The following RUFY3 variants were observed in gnomAD, a reference collection of about 807,000 sequenced individuals.
The protein encoded by RUFY3 is RUN and FYVE domain containing 3.
In RUFY3, 34 loss-of-function variants were observed where a neutral mutation model predicts 84.0. That is an observed-to-expected ratio of 0.40 (90% CI 0.31 to 0.54). The LOEUF is 0.54. Ranked by LOEUF, RUFY3 falls within the 20% of genes least tolerant of loss-of-function variation. The pLI is 0.39. For missense variants in RUFY3, 507 were observed against 736.8 expected, an observed-to-expected ratio of 0.69 and a Z score of 3.61; for synonymous variants, 242 against 252.9, an observed-to-expected ratio of 0.96 and a Z score of 0.41.
chr4:70,773,316 CAT>C (rs1727301296), intron 5 of RUFY3, among the ~76,000 whole-genome samples, 193 bp from the exon 6 acceptor site: 1 of 152,158 alleles, frequency 6.6e-6, no homozygotes, highest in Non-Finnish European at 1.5e-5. Flanking sequence ...GTCTTATTGA[CAT>C]AATCTTGATT....
Position 70,784,525 on chromosome 4 carries a change from A to G in RUFY3, c.988-271A>G, listed in dbSNP as rs983433576. ...AACCTATAACCCAACTCATATTTTG[A>G]AATGAATGCTATGTTATTTTTAGAG... is the stretch of plus-strand genomic sequence containing the variant. On this transcript the variant is annotated intron_variant, in intron 9 of 17. Transcript: ENST00000381006. Among the ~76,000 whole-genome samples, 3 of 152,110 alleles carry G rather than the reference A, an allele frequency of 2.0e-5. No individual in the cohort carries two copies. In the East Asian group the frequency reaches 5.8e-4, roughly 29 times the overall value.
In RUFY3 at chr4:70,791,496, G is replaced by GA. The variant is rs1730814326; in HGVS notation, c.1337+1909dup. On this transcript the variant is annotated intron_variant, in intron 12 of 17. Transcript: ENST00000381006. ...TCTTATTGTTTTCTCCCCAGGGTTA[G>GA]AAAAATTGGTATAAGTTCCTAATTA... 3.6e-6 allele frequency: 5 copies of GA among 1,373,780 alleles called. No individual in the cohort carries two copies. The South Asian group carries it at 7.7e-5, about 21-fold the overall frequency. 85.1% of individuals were successfully genotyped at this position (1,373,780 alleles called of 1,614,324 possible). A position where few individuals can be genotyped will look rare whatever the true frequency, so the allele number is the denominator to read the frequency against.
intron 8 of RUFY3, 30 bp from the exon 9 acceptor site, chr4:70,783,060 TA>T (rs748074383): frequency 4.6e-6 from 6 of 1,313,174 alleles, no homozygotes; most frequent in Admixed American, 1.9e-5. Context: ...TTTAAAAAGA[TA>T]AAAGATTATT....
chr4:70,726,377 T>G (rs1718244015), intron 1 of RUFY3, among the ~76,000 whole-genome samples: 1 of 152,196 alleles, frequency 6.6e-6, no homozygotes, highest in Admixed American at 6.5e-5. Flanking sequence ...TTTTTTCTTT[T>G]TTTTGAGACA....
At chr4:70,752,012 C>T (rs757843895) in intron 1 of RUFY3, among the ~76,000 whole-genome samples, 11 of 152,104 alleles carry the variant, frequency 7.2e-5, no homozygotes, top group African/African-American at 2.4e-4. Flanking sequence ...AACTCCTGAC[C>T]TCAAGTGATC....
At chr4:70,759,364 G>A (rs892123115) in intron 1 of RUFY3, among the ~76,000 whole-genome samples, 1 of 76,518 alleles carries the variant, frequency 1.3e-5, no homozygotes, top group Non-Finnish European at 2.7e-5. Flanking sequence ...ATTTGTGTGT[G>A]TGTGTGTATG....
intron 17 of RUFY3, among the ~76,000 whole-genome samples, chr4:70,805,241 A>T (rs969815260): frequency 1.3e-5 from 2 of 152,236 alleles, no homozygotes; most frequent in Admixed American, 6.5e-5. Flanking sequence ...TCAGAACAGG[A>T]TATGAGCTCT....
intron 10 of RUFY3, among the ~76,000 whole-genome samples, chr4:70,787,168 G>GAAAAAAAAAAAAAA (rs71211959): frequency 3.8e-5 from 2 of 53,024 alleles, no homozygotes; most frequent in African/African-American, 1.7e-4. Flanking sequence ...CCCTGTCTCA[G>GAAAAAAAAAAAAAA]AAAAAAAAAA....
intron 17 of RUFY3, among the ~76,000 whole-genome samples, chr4:70,806,144 C>T (rs1732817367): frequency 1.3e-5 from 2 of 152,178 alleles, no homozygotes; most frequent in South Asian, 4.1e-4. Flanking sequence ...AGCCTGTTCA[C>T]TCAATCCATT....
At chr4:70,718,776 G>A (rs1310847429), upstream of RUFY3, among the ~76,000 whole-genome samples, 1 of 151,452 alleles carries the variant, frequency 6.6e-6, no homozygotes, top group African/African-American at 2.4e-5. Flanking sequence ...GGAGTGCAGT[G>A]GTGCAATCTC....
chr4:70,771,305 TGTGTGTGTGTGC>T (rs1726907079), intron 5 of RUFY3, among the ~76,000 whole-genome samples: 1 of 151,844 alleles, frequency 6.6e-6, no homozygotes, highest in African/African-American at 2.4e-5. Context: ...AAATGAGGTA[TGTGTGTGTGTGC>T]GTGTGTGTGT....
intron 1 of RUFY3, among the ~76,000 whole-genome samples, chr4:70,705,752 C>T (rs1430418841): frequency 2.0e-5 from 3 of 152,168 alleles, no homozygotes. Context: ...CTTTTTCGGG[C>T]TCCCGGCGCC....
chr4:70,705,802 C>A (rs1030419814), intron 1 of RUFY3, among the ~76,000 whole-genome samples: 3 of 152,246 alleles, frequency 2.0e-5, no homozygotes, highest in African/African-American at 7.2e-5. Flanking sequence ...CCGCCGCCGC[C>A]GCCAGTGCGG....
At chr4:70,734,849 C>T (rs1307850545) in intron 1 of RUFY3, among the ~76,000 whole-genome samples, 1 of 152,216 alleles carries the variant, frequency 6.6e-6, no homozygotes, top group African/African-American at 2.4e-5. Context: ...AACCACAGTG[C>T]CTTACAGTAT....
intron 1 of RUFY3, among the ~76,000 whole-genome samples, chr4:70,732,906 T>TA (rs1174241969): frequency 2.0e-5 from 3 of 151,290 alleles, no homozygotes; most frequent in South Asian, 2.1e-4. Context: ...CTTAAAGTAT[T>TA]AAAAAAAATA....
At chr4:70,800,312 A>G in intron 15 of RUFY3, 107 bp downstream of exon 15, 1 of 712,664 alleles carries the variant, frequency 1.4e-6, no homozygotes. Flanking sequence ...ACACTGACTT[A>G]TAATATTAAT....
At chr4:70,722,794 A>T (rs367661425) in intron 1 of RUFY3, 43 bp downstream of exon 1, 2 of 1,575,732 alleles carry the variant, frequency 1.3e-6, no homozygotes, top group Admixed American at 3.4e-5. Flanking sequence ...CAGCATCCTC[A>T]TTGTTATGGG....
rs762253929 is a variant in RUFY3 at position 70,727,354 on chromosome 4, C to CTT, written c.178+4621_178+4622dup. On this transcript the variant is annotated intron_variant, in intron 1 of 17. Transcript: ENST00000381006. Reference sequence around the variant, plus strand: ...AATTCTAGGATCAGGAAAGTAATAACTTTTTTTTTTTTTTTTTTTGAGACA... The same window carrying CTT: ...AATTCTAGGATCAGGAAAGTAATAACTTTTTTTTTTTTTTTTTTTTTGAGACA... Among the ~76,000 whole-genome samples, 331 of 118,208 alleles carry CTT rather than the reference C, an allele frequency of 2.8e-3. 7 individuals are homozygous for CTT. Among genetic ancestry groups the CTT allele is most frequent in the African/African-American group, 0.01 (294 of 29,228 alleles). 77.5% of individuals were successfully genotyped at this position (118,208 alleles called of 152,430 possible).
At chr4:70,708,749 A>G (rs1299791414) in intron 1 of RUFY3, among the ~76,000 whole-genome samples, 1 of 152,202 alleles carries the variant, frequency 6.6e-6, no homozygotes, top group East Asian at 1.9e-4. Flanking sequence ...GCTGAAGAAT[A>G]GCAAAAATGT....
Sources: allele counts gnomAD v4.1 joint callset (sites outside exome capture counted in the v4.1 genomes callset), GRCh38; gene constraint gnomAD v4.1.1; transcripts MANE v1.5; gene names NCBI Gene and HGNC (gene_info 2026-07-23, HGNC 2026-07-21).